Variants in RALYL observed in about 807,000 individuals in gnomAD.
RALYL encodes the protein RALY RNA binding protein like, also known as RNA-binding Raly-like protein.
A neutral mutation model predicts 35.1 loss-of-function variants in RALYL; 29 were observed. The ratio of observed to expected loss-of-function variants is 0.83; its 90% CI spans 0.61 to 1.13. The LOEUF is 1.13. Among genes scored for constraint, RALYL ranks in the 50% most tolerant of loss-of-function variants. The pLI is 0.00. For missense variants in RALYL, 359 were observed against 360.4 expected, an observed-to-expected ratio of 1.00 and a Z score of 0.03; for synonymous variants, 120 against 127.6, an observed-to-expected ratio of 0.94 and a Z score of 0.40.
At chr8:84,759,116 T>C (rs534192983) in intron 2 of RALYL, among the ~76,000 whole-genome samples, 2 of 152,228 alleles carry the variant, frequency 1.3e-5, no homozygotes, top group South Asian at 4.1e-4. Flanking sequence ...CCTCCTCTTC[T>C]TCCCTCCTCT....
intron 2 of RALYL, among the ~76,000 whole-genome samples, chr8:84,530,502 A>T (rs2059207772): frequency 6.7e-6 from 1 of 148,480 alleles, no homozygotes; most frequent in East Asian, 2.0e-4. Context: ...AAAAAAAAAA[A>T]CTTTGATTCT....
intron 1 of RALYL, among the ~76,000 whole-genome samples, chr8:84,503,773 A>G (rs1403787090): frequency 2.0e-5 from 3 of 150,104 alleles, no homozygotes; most frequent in Middle Eastern, 3.2e-3. Flanking sequence ...CGGCTTGATG[A>G]TCTCCTGCTG....
chr8:84,584,267 G>A (rs980366550), intron 2 of RALYL, among the ~76,000 whole-genome samples: 1 of 152,218 alleles, frequency 6.6e-6, no homozygotes, highest in Non-Finnish European at 1.5e-5. Context: ...GGAACTTACG[G>A]AAACAAAGTA....
At chr8:84,712,013 C>T (rs1378487638) in intron 2 of RALYL, among the ~76,000 whole-genome samples, 1 of 151,808 alleles carries the variant, frequency 6.6e-6, no homozygotes, top group East Asian at 1.9e-4. Context: ...AAGTTTATAC[C>T]AGAAAAAACA....
At chr8:84,220,159 C>T (rs1396032374) in intron 1 of RALYL, among the ~76,000 whole-genome samples, 2 of 152,026 alleles carry the variant, frequency 1.3e-5, no homozygotes, top group Non-Finnish European at 2.9e-5. Context: ...GCTCACTCCT[C>T]TCTTTAAAAT....
At chr8:84,281,805 A>G (rs1836633980) in intron 1 of RALYL, among the ~76,000 whole-genome samples, 2 of 151,846 alleles carry the variant, frequency 1.3e-5, no homozygotes, top group Non-Finnish European at 2.9e-5. Context: ...GTGTGTGTAT[A>G]TATATATTTA....
chr8:84,533,454 A>T (rs1424496909), intron 2 of RALYL, among the ~76,000 whole-genome samples: 2 of 152,316 alleles, frequency 1.3e-5, no homozygotes, highest in African/African-American at 4.8e-5. Context: ...CATTGGCTTG[A>T]TTACAGACAT....
At chr8:84,586,675 A>T (rs181872404) in intron 2 of RALYL, among the ~76,000 whole-genome samples, 409 of 152,310 alleles carry the variant, frequency 2.7e-3, no homozygotes, top group Non-Finnish European at 5.1e-3. Flanking sequence ...TTTGAAAATC[A>T]TACTAAGCAA....
intron 2 of RALYL, among the ~76,000 whole-genome samples, chr8:84,555,225 G>A (rs966354200): frequency 2.6e-5 from 4 of 152,180 alleles, no homozygotes; most frequent in African/African-American, 9.7e-5. Context: ...GTTGCAGTGA[G>A]CCGAGATCAT....
chr8:84,677,694 A>T (rs549346073), intron 2 of RALYL, among the ~76,000 whole-genome samples: 1 of 152,352 alleles, frequency 6.6e-6, no homozygotes, highest in East Asian at 1.9e-4. Context: ...AGAAAATGAA[A>T]GATGCAGTTA....
At chr8:84,602,502 C>A (rs1204029151) in intron 2 of RALYL, among the ~76,000 whole-genome samples, 2 of 152,048 alleles carry the variant, frequency 1.3e-5, no homozygotes, top group Non-Finnish European at 2.9e-5. Context: ...CAGTCAATTC[C>A]CCTACATTCT....
chr8:84,482,748 A>G (rs937215296), intron 1 of RALYL, among the ~76,000 whole-genome samples: 2 of 152,106 alleles, frequency 1.3e-5, no homozygotes, highest in Admixed American at 6.6e-5. Flanking sequence ...TGTAGATTAG[A>G]TGATCTCCAC....
In RALYL at chr8:84,625,443, CA is replaced by C. The variant is rs1822520260; in HGVS notation, c.256+95867del. Among the ~76,000 whole-genome samples, 3 of 152,250 alleles carry C rather than the reference CA, an allele frequency of 2.0e-5. No individual in the cohort carries two copies. In the South Asian group the frequency reaches 6.2e-4, roughly 32 times the overall value. On this transcript the variant is annotated intron_variant, in intron 2 of 8. Transcript: ENST00000521268. Reference sequence around the variant, plus strand: ...ACAACAGAAATAGAAGAAGTAAAAACACTGTGAAGCACCAAACATTATAGAG... The same window carrying C: ...ACAACAGAAATAGAAGAAGTAAAAACCTGTGAAGCACCAAACATTATAGAG...
At chr8:84,917,986 T>C (rs1322562634) in intron 8 of RALYL, among the ~76,000 whole-genome samples, 1 of 152,064 alleles carries the variant, frequency 6.6e-6, no homozygotes, top group African/African-American at 2.4e-5. Flanking sequence ...GGCTGAATGA[T>C]TACTCAAGAA....
In RALYL at chr8:84,859,992, C is replaced by T. The variant is rs527344834; in HGVS notation, c.414-2304C>T. 1.2e-4 allele frequency among the ~76,000 whole-genome samples: 18 copies of T among 152,202 alleles called. No individual in the cohort carries two copies. The South Asian group carries it at 2.5e-3, about 21-fold the overall frequency. On this transcript the variant is annotated intron_variant, in intron 5 of 8. Coordinates refer to ENST00000521268, the MANE Select transcript of RALYL (RefSeq NM_173848.7). ...ACTAAGTATATTACTAAAATGTATG[C>T]CCCATACTAAAAGCATATCATAAAT...
intron 1 of RALYL, among the ~76,000 whole-genome samples, chr8:84,357,757 G>T (rs111331811): frequency 6.9e-6 from 1 of 145,290 alleles, no homozygotes; most frequent in South Asian, 2.1e-4. Context: ...TTAGCTTGTC[G>T]TATATATATA....
chr8:84,472,295 A>G (rs955769985), intron 1 of RALYL, among the ~76,000 whole-genome samples: 2 of 152,180 alleles, frequency 1.3e-5, no homozygotes, highest in Non-Finnish European at 2.9e-5. Flanking sequence ...GGAGATAGGT[A>G]TATGAATTTT....
intron 1 of RALYL, among the ~76,000 whole-genome samples, chr8:84,393,222 G>A (rs1480320827): frequency 1.3e-5 from 2 of 152,034 alleles, no homozygotes; most frequent in East Asian, 1.9e-4. Flanking sequence ...GATCTCATCT[G>A]AAAGCTAGAC....
At chr8:84,299,924 A>T (rs1382786728) in intron 1 of RALYL, among the ~76,000 whole-genome samples, 1 of 151,946 alleles carries the variant, frequency 6.6e-6, no homozygotes, top group Non-Finnish European at 1.5e-5. Context: ...GGTTTCATTC[A>T]TCTTTGGAAT....
Sources: gnomAD v4.1 joint callset for allele counts (sites outside exome capture counted in the v4.1 genomes callset) on GRCh38, gnomAD v4.1.1 for gene constraint, MANE v1.5 for transcripts, NCBI Gene and HGNC (gene_info 2026-07-23, HGNC 2026-07-21) for gene names.